Variants in LHFPL3 observed in about 807,000 individuals in gnomAD.
LHFPL3 encodes LHFPL tetraspan subfamily member 3 protein.
Under a neutral mutation model 19.3 loss-of-function variants are expected in LHFPL3, and 5 were observed. That is an observed-to-expected ratio of 0.26 (90% confidence interval 0.14 to 0.54). The LOEUF (loss-of-function observed/expected upper bound fraction) is 0.54. LHFPL3 is among the 20% of genes least tolerant of loss of function. LHFPL3 has a pLI of 0.94. For missense variants in LHFPL3, 249 were observed against 307.4 expected, an observed-to-expected ratio of 0.81 and a Z score of 1.42; for synonymous variants, 133 against 126.2, an observed-to-expected ratio of 1.05 and a Z score of -0.36.
At chr7:104,473,649 T>C (rs1792952171) in intron 1 of LHFPL3, among the ~76,000 whole-genome samples, 3 of 152,236 alleles carry the variant, frequency 2.0e-5, no homozygotes, top group Admixed American at 2.0e-4. Flanking sequence ...ACTCTGTGCC[T>C]CATTTTTCCT....
At chr7:104,697,230 G>A (rs372475040) in intron 1 of LHFPL3, among the ~76,000 whole-genome samples, 18 of 152,184 alleles carry the variant, frequency 1.2e-4, no homozygotes, top group African/African-American at 4.3e-4. Flanking sequence ...ATGAATTTGC[G>A]GGGAGAGCAC....
At chr7:104,573,374 T>TGTG (rs1300672382) in intron 1 of LHFPL3, among the ~76,000 whole-genome samples, 2 of 146,400 alleles carry the variant, frequency 1.4e-5, no homozygotes, top group Admixed American at 1.4e-4. Flanking sequence ...ATCACACCAC[T>TGTG]GCACTCCAGC....
At chr7:104,466,656 C>CTT (rs1792791111) in intron 1 of LHFPL3, among the ~76,000 whole-genome samples, 1 of 152,138 alleles carries the variant, frequency 6.6e-6, no homozygotes, top group African/African-American at 2.4e-5. Flanking sequence ...AGCAAACTGG[C>CTT]TTTATGTTGT....
At chr7:104,453,674 G>T (rs1214612950) in intron 1 of LHFPL3, among the ~76,000 whole-genome samples, 1 of 151,844 alleles carries the variant, frequency 6.6e-6, no homozygotes, top group Non-Finnish European at 1.5e-5. Context: ...CAGCGTTGGA[G>T]GTGGGGCCCG....
intron 1 of LHFPL3, among the ~76,000 whole-genome samples, chr7:104,452,327 T>A (rs1015934056): frequency 2.6e-5 from 4 of 152,360 alleles, no homozygotes; most frequent in South Asian, 2.1e-4. Flanking sequence ...GCTTTATTGA[T>A]GGACATTTAA....
intron 1 of LHFPL3, among the ~76,000 whole-genome samples, chr7:104,721,535 T>C (rs1428010676): frequency 6.9e-6 from 1 of 144,530 alleles, no homozygotes; most frequent in Non-Finnish European, 1.5e-5. Context: ...ACTTAAAGTA[T>C]AATTAAAAAA....
At position 104,807,879 on chromosome 7, in the gene LHFPL3, T is replaced by C. The variant is rs370456751; in HGVS notation, c.682+70968T>C. The stretch of plus-strand genomic sequence containing the variant: ...TGAATGTCCTTATTGAATGCATTGG[T>C]AGACAACTGGTCGTTAATCACAGAT... On this transcript the variant is annotated intron_variant, in intron 2 of 2. Transcript: ENST00000424859. Among the ~76,000 whole-genome samples the C allele has an allele frequency of 6.6e-5, 10 of 152,364 alleles. 1 individual carries two copies. In the South Asian group the frequency reaches 1.9e-3, roughly 28 times the overall value.
chr7:104,659,982 C>G (rs959853416), intron 1 of LHFPL3, among the ~76,000 whole-genome samples: 2 of 149,022 alleles, frequency 1.3e-5, no homozygotes, highest in Admixed American at 6.9e-5. Context: ...CTTCCTAGCC[C>G]TCCAGTTTGC....
In LHFPL3 at chr7:104,613,591, G is replaced by A. The variant is rs562621957; in HGVS notation, c.446-123084G>A. ...TGCCTTTCAAACTCAACCTAATTCCGCAACACCAACCCATCTACCCTCCAC... is the reference window on the plus strand; with the variant it reads ...TGCCTTTCAAACTCAACCTAATTCCACAACACCAACCCATCTACCCTCCAC... On this transcript the variant is annotated intron_variant, in intron 1 of 2. Coordinates refer to ENST00000424859, the MANE Select transcript of LHFPL3 (RefSeq NM_199000.3). Among the ~76,000 whole-genome samples, 104 of 152,056 alleles carry A rather than the reference G, an allele frequency of 6.8e-4. No individual in the cohort carries two copies. The South Asian group carries it at 0.02, about 29-fold the overall frequency.
chr7:104,669,523 G>A (rs1584471434), intron 1 of LHFPL3: 1 of 1,611,814 alleles, frequency 6.2e-7, no homozygotes, highest in East Asian at 2.2e-5. Context: ...CAAGTATGCT[G>A]CTCTCTCTGT....
intron 1 of LHFPL3, chr7:104,667,673 C>T: frequency 9.5e-7 from 1 of 1,053,136 alleles, no homozygotes; most frequent in Non-Finnish European, 1.4e-6. Context: ...CTAAAGTTAA[C>T]ATGCCATTAT....
intron 1 of LHFPL3, among the ~76,000 whole-genome samples, chr7:104,626,424 T>C (rs1791547419): frequency 6.6e-6 from 1 of 152,228 alleles, no homozygotes; most frequent in African/African-American, 2.4e-5. Flanking sequence ...CACTTTAGCA[T>C]AATTACCTCC....
chr7:104,900,960 C>T, intron 2 of LHFPL3, among the ~76,000 whole-genome samples: 1 of 152,174 alleles, frequency 6.6e-6, no homozygotes, highest in Admixed American at 6.5e-5. Flanking sequence ...TTTTAAATTA[C>T]CTCCCCTGAT....
chr7:104,406,429 T>C (rs1791413033), intron 1 of LHFPL3, among the ~76,000 whole-genome samples: 2 of 151,998 alleles, frequency 1.3e-5, no homozygotes, highest in Non-Finnish European at 2.9e-5. Context: ...GTATTGTCTA[T>C]CCACTATGTG....
chr7:104,693,049 C>T (rs1421470603), intron 1 of LHFPL3, among the ~76,000 whole-genome samples: 3 of 152,222 alleles, frequency 2.0e-5, no homozygotes, highest in Non-Finnish European at 4.4e-5. Context: ...CCTGTTGCAT[C>T]ACCTGGATGT....
At chr7:104,588,832 C>T (rs1421277145) in intron 1 of LHFPL3, among the ~76,000 whole-genome samples, 2 of 152,172 alleles carry the variant, frequency 1.3e-5, no homozygotes, top group African/African-American at 4.8e-5. Flanking sequence ...AGGTCCTTCA[C>T]ATCCCTTGTA....
At chr7:104,385,088 G>A (rs1463582959) in intron 1 of LHFPL3, among the ~76,000 whole-genome samples, 2 of 151,906 alleles carry the variant, frequency 1.3e-5, no homozygotes, top group Non-Finnish European at 1.5e-5. Context: ...AGAACCTGGT[G>A]TGGTGACTCA....
intron 1 of LHFPL3, among the ~76,000 whole-genome samples, chr7:104,602,369 C>A (rs1389263359): frequency 6.6e-6 from 1 of 152,138 alleles, no homozygotes; most frequent in Non-Finnish European, 1.5e-5. Flanking sequence ...GACCCAGGTT[C>A]TTTTCTTTTG....
At chr7:104,537,397 C>A (rs539943909) in intron 1 of LHFPL3, among the ~76,000 whole-genome samples, 5 of 152,142 alleles carry the variant, frequency 3.3e-5, no homozygotes, top group Non-Finnish European at 7.4e-5. Context: ...GAAAGTTATT[C>A]TCTTGCTAAA....
Sources: gnomAD v4.1 joint callset for allele counts (sites outside exome capture counted in the v4.1 genomes callset) on GRCh38, gnomAD v4.1.1 for gene constraint, MANE v1.5 for transcripts, NCBI Gene and HGNC (gene_info 2026-07-23, HGNC 2026-07-21) for gene names.